Variants in PPM1E observed in about 807,000 individuals in gnomAD.
The protein encoded by PPM1E is protein phosphatase, Mg2+/Mn2+ dependent 1E.
In PPM1E, 20 loss-of-function variants were observed where a neutral mutation model predicts 65.9. That is an observed-to-expected ratio of 0.30 (90% CI 0.21 to 0.44). The LOEUF (loss-of-function observed/expected upper bound fraction) is 0.44, where lower values mean the gene tolerates loss of function less well. Ranked by LOEUF, PPM1E falls within the 20% of genes least tolerant of loss-of-function variation. The pLI is 1.00. For missense variants in PPM1E, 713 were observed against 953.1 expected (o/e 0.75, Z 3.32); for synonymous variants, 352 against 374.9 (o/e 0.94, Z 0.70).
At chr17:58,911,842 A>G (rs546613587) in intron 1 of PPM1E, among the ~76,000 whole-genome samples, 3 of 152,348 alleles carry the variant, frequency 2.0e-5, no homozygotes, top group African/African-American at 7.2e-5. Context: ...TTAAGAAGGT[A>G]CTTTTTTTAA....
At chr17:58,857,849 C>T (rs2050899128) in intron 1 of PPM1E, among the ~76,000 whole-genome samples, 1 of 152,080 alleles carries the variant, frequency 6.6e-6, no homozygotes, top group Admixed American at 6.5e-5. Context: ...TTAATAATTT[C>T]AGGAAGCTAC....
chr17:58,770,659 A>C (rs1020865239), intron 1 of PPM1E, among the ~76,000 whole-genome samples: 1 of 152,196 alleles, frequency 6.6e-6, no homozygotes, highest in Admixed American at 6.6e-5. Context: ...AGCTAATTAA[A>C]CATCACAATG....
intron 1 of PPM1E, among the ~76,000 whole-genome samples, chr17:58,940,474 A>T (rs2052049248): frequency 6.6e-6 from 1 of 152,224 alleles, no homozygotes; most frequent in African/African-American, 2.4e-5. Context: ...CTTCACTGAA[A>T]ATATTTTCAT....
intron 1 of PPM1E, among the ~76,000 whole-genome samples, chr17:58,815,084 T>G (rs903596090): frequency 6.6e-6 from 1 of 152,220 alleles, no homozygotes; most frequent in African/African-American, 2.4e-5. Flanking sequence ...ACTTAAACTT[T>G]TGCCCTCTAT....
intron 1 of PPM1E, among the ~76,000 whole-genome samples, chr17:58,877,522 TA>T (rs1283964576): frequency 6.6e-6 from 1 of 152,206 alleles, no homozygotes; most frequent in African/African-American, 2.4e-5. Flanking sequence ...AAGTTTGTTT[TA>T]AAATGTATTT....
intron 1 of PPM1E, among the ~76,000 whole-genome samples, chr17:58,907,826 G>A (rs2051576847): frequency 6.6e-6 from 1 of 151,990 alleles, no homozygotes; most frequent in Non-Finnish European, 1.5e-5. Flanking sequence ...CTTTTGATTA[G>A]TGTTATCATG....
intron 1 of PPM1E, among the ~76,000 whole-genome samples, chr17:58,811,595 G>A (rs2050368608): frequency 6.6e-6 from 1 of 152,106 alleles, no homozygotes; most frequent in South Asian, 2.1e-4. Flanking sequence ...CTATGTGACT[G>A]TGAAGTATCT....
chr17:58,804,528 C>T (rs1194948702), intron 1 of PPM1E, among the ~76,000 whole-genome samples: 1 of 152,064 alleles, frequency 6.6e-6, no homozygotes. Context: ...AGGGGGATGG[C>T]AATTCGAGTG....
intron 1 of PPM1E, among the ~76,000 whole-genome samples, chr17:58,781,736 A>G (rs1026931797): frequency 4.6e-5 from 7 of 151,670 alleles, no homozygotes; most frequent in African/African-American, 1.7e-4. Flanking sequence ...AAAATACAAC[A>G]TTAGCTGGGC....
chr17:58,965,162 AAG>A (rs1386109429), intron 2 of PPM1E, among the ~76,000 whole-genome samples: 3 of 152,152 alleles, frequency 2.0e-5, no homozygotes, highest in African/African-American at 7.2e-5. Context: ...GTCAGGGAGA[AAG>A]AGGACAAAGA....
At chr17:58,838,572 A>C (rs2050686006) in intron 1 of PPM1E, among the ~76,000 whole-genome samples, 1 of 152,240 alleles carries the variant, frequency 6.6e-6, no homozygotes, top group South Asian at 2.1e-4. Context: ...TGGAAATGCA[A>C]AATGATATAG....
intron 1 of PPM1E, among the ~76,000 whole-genome samples, chr17:58,871,218 T>G (rs925412306): frequency 1.3e-5 from 2 of 152,066 alleles, no homozygotes; most frequent in African/African-American, 4.8e-5. Context: ...TTATATATTT[T>G]TTGTAGAGAT....
chr17:58,933,665 G>A (rs547242911), intron 1 of PPM1E, among the ~76,000 whole-genome samples: 15 of 151,548 alleles, frequency 9.9e-5, no homozygotes, highest in South Asian at 2.1e-4. Flanking sequence ...GCATGGTGGC[G>A]GGCGCCAGTA....
At chr17:58,894,065 C>T (rs538780729) in intron 1 of PPM1E, among the ~76,000 whole-genome samples, 1 of 151,746 alleles carries the variant, frequency 6.6e-6, no homozygotes, top group Non-Finnish European at 1.5e-5. Context: ...AGATCAAGAC[C>T]CTGTCTCAAA....
rs1417894803 is a variant in PPM1E at position 58,980,953 on chromosome 17, C to T, written c.2190C>T (p.Tyr730=). Residue 730 remains tyrosine (Y), a synonymous_variant, in exon 7 of 7, where the codon TAC becomes TAT. Coordinates refer to ENST00000308249, the MANE Select transcript of PPM1E (RefSeq NM_014906.5). The surrounding 1 kb of genome is among the most constrained non-coding windows in gnomAD (Gnocchi z 4.7). ...LPWRQNSWKG[Y]SENMRKLRKT... Reference sequence around the variant, plus strand: ...GGAGGCAAAATAGTTGGAAAGGGTACAGTGAAAACATGAGGAAGCTCAGAA... The same window carrying T: ...GGAGGCAAAATAGTTGGAAAGGGTATAGTGAAAACATGAGGAAGCTCAGAA... The T allele has an allele frequency of 6.2e-7, 1 of 1,614,144 alleles. No individual in the cohort carries two copies. The highest frequency in any genetic ancestry group is 1.1e-5 in the South Asian group (1 of 91,072).
At chr17:58,786,042 T>G (rs2050097182) in intron 1 of PPM1E, among the ~76,000 whole-genome samples, 1 of 145,460 alleles carries the variant, frequency 6.9e-6, no homozygotes, top group Admixed American at 7.1e-5. Context: ...TGAGACAGAG[T>G]CTCACTCTGT....
chr17:58,765,725 T>G (rs1193688194), intron 1 of PPM1E, among the ~76,000 whole-genome samples: 1 of 152,102 alleles, frequency 6.6e-6, no homozygotes, highest in Admixed American at 6.6e-5. Flanking sequence ...GTTAGAAGTA[T>G]GAAAGATAAT....
chr17:58,788,331 A>G (rs1264183577), intron 1 of PPM1E, among the ~76,000 whole-genome samples: 1 of 151,778 alleles, frequency 6.6e-6, no homozygotes, highest in Non-Finnish European at 1.5e-5. Context: ...GTCTGTATAA[A>G]CTCTTTCTTT....
chr17:58,829,345 G>T (rs1163835686), intron 1 of PPM1E, among the ~76,000 whole-genome samples: 2 of 152,064 alleles, frequency 1.3e-5, no homozygotes, highest in African/African-American at 4.8e-5. Context: ...CCTGGCCCGT[G>T]TTTACGTTTT....
Sources: allele counts gnomAD v4.1 joint callset (sites outside exome capture counted in the v4.1 genomes callset), GRCh38; gene constraint gnomAD v4.1.1; non-coding constraint Gnocchi (gnomAD v3.1); transcripts MANE v1.5; gene names NCBI Gene and HGNC (gene_info 2026-07-23, HGNC 2026-07-21).